The following SEC14L1 variants were observed in gnomAD, a reference collection of about 807,000 sequenced individuals.
SEC14L1 encodes SEC14 like lipid binding 1, also known as SEC14-like protein 1.
A neutral mutation model predicts 85.3 loss-of-function variants in SEC14L1; 48 were observed. That is an observed-to-expected ratio of 0.56 (90% CI 0.45 to 0.72). SEC14L1 has a LOEUF of 0.72. Ranked by LOEUF, SEC14L1 falls within the 30% of genes least tolerant of loss-of-function variation. SEC14L1 has a pLI of 0.00. For synonymous variants in SEC14L1, 391 were observed against 355.5 expected, an observed-to-expected ratio of 1.10 and a Z score of -1.12; for missense variants, 682 against 921.4, an observed-to-expected ratio of 0.74 and a Z score of 3.36.
intron 3 of SEC14L1, among the ~76,000 whole-genome samples, chr17:77,146,476 T>C (rs935082357): frequency 2.0e-5 from 3 of 152,232 alleles, no homozygotes; most frequent in Non-Finnish European, 4.4e-5. Flanking sequence ...TGCCAGTTCA[T>C]GCAGGACTTT....
chr17:77,125,405 T>A (rs963688865), intron 3 of SEC14L1, among the ~76,000 whole-genome samples: 4 of 151,862 alleles, frequency 2.6e-5, no homozygotes. Context: ...AAATTTTAGC[T>A]TAGTCCTTAG....
intron 3 of SEC14L1, among the ~76,000 whole-genome samples, chr17:77,168,307 A>T (rs571712473): frequency 6.6e-6 from 1 of 152,308 alleles, no homozygotes; most frequent in East Asian, 1.9e-4. Flanking sequence ...CTTCCTCTTC[A>T]CATTTTTTTA....
At chr17:77,111,734 A>G (rs1803412959) in intron 3 of SEC14L1, among the ~76,000 whole-genome samples, 1 of 152,224 alleles carries the variant, frequency 6.6e-6, no homozygotes, top group African/African-American at 2.4e-5. Flanking sequence ...CCAATGCCTG[A>G]ACCCCCATTG....
intron 3 of SEC14L1, among the ~76,000 whole-genome samples, chr17:77,181,434 CAG>C (rs534782492): frequency 3.2e-4 from 48 of 152,334 alleles, no homozygotes; most frequent in Middle Eastern, 3.4e-3. Flanking sequence ...GTTTTTGAGA[CAG>C]AGTTTCGCTC....
intron 3 of SEC14L1, among the ~76,000 whole-genome samples, chr17:77,183,459 C>A (rs985448967): frequency 6.6e-6 from 1 of 152,178 alleles, no homozygotes; most frequent in African/African-American, 2.4e-5. Context: ...AATAGATATT[C>A]TTCTGTCTAG....
chr17:77,089,826 G>A, intron 2 of SEC14L1: 1 of 178,136 alleles, frequency 5.6e-6, no homozygotes. Context: ...GACCAGTCTG[G>A]CCAACATGAT....
chr17:77,104,110 T>C (rs925585905), intron 3 of SEC14L1, among the ~76,000 whole-genome samples: 1 of 151,322 alleles, frequency 6.6e-6, no homozygotes, highest in Non-Finnish European at 1.5e-5. Flanking sequence ...AGGACTCTTT[T>C]TTGTATTTAC....
At chr17:77,166,113 T>G (rs762911191) in intron 3 of SEC14L1, among the ~76,000 whole-genome samples, 1 of 152,148 alleles carries the variant, frequency 6.6e-6, no homozygotes, top group East Asian at 1.9e-4. Context: ...ATTGTACTTA[T>G]TCTTTGTTTT....
At chr17:77,176,572 T>A (rs184348158) in intron 3 of SEC14L1, among the ~76,000 whole-genome samples, 1 of 152,326 alleles carries the variant, frequency 6.6e-6, no homozygotes, top group Non-Finnish European at 1.5e-5. Flanking sequence ...TCTTACACAA[T>A]AATTATGGTT....
At chr17:77,107,176 G>C (rs1182701735) in intron 3 of SEC14L1, among the ~76,000 whole-genome samples, 2 of 152,148 alleles carry the variant, frequency 1.3e-5, no homozygotes, top group Admixed American at 6.6e-5. Flanking sequence ...AAAGAACAAA[G>C]AGCCACAAAC....
At chr17:77,210,837 T>C (rs897984375) in intron 14 of SEC14L1, 5 of 152,218 alleles carry the variant, frequency 3.3e-5, no homozygotes, top group African/African-American at 7.2e-5. Context: ...CGGGGGCATC[T>C]GTAGACATCC....
In SEC14L1 at chr17:77,200,554, T is replaced by A. The variant is rs142447733; in HGVS notation, c.890T>A (p.Ile297Asn). The change falls in exon 9 of 17, where the codon ATC (isoleucine) becomes AAC (asparagine). Residue 297 changes from isoleucine (I) to asparagine (N), a missense_variant. Transcript: ENST00000436233. ...TTTAATATTGACAAAGCCAGAGAGA[T>A]CATGTGTCAGTCTTTGACGTGGAGA... ...RDFNIDKARE[I>N]MCQSLTWRKQ... 6.2e-7 allele frequency: 1 copy of A among 1,614,072 alleles called. No individual in the cohort carries two copies. Among genetic ancestry groups the A allele is most frequent in the African/African-American group, 1.3e-5 (1 of 75,032 alleles).
intron 3 of SEC14L1, chr17:77,181,041 A>G (rs1975013156): frequency 6.6e-6 from 1 of 152,004 alleles, no homozygotes; most frequent in South Asian, 2.1e-4. Context: ...AGTAGCTTCG[A>G]TGTTTATTTG....
At chr17:77,110,543 C>T (rs1972021693) in intron 3 of SEC14L1, among the ~76,000 whole-genome samples, 1 of 152,158 alleles carries the variant, frequency 6.6e-6, no homozygotes, top group Non-Finnish European at 1.5e-5. Flanking sequence ...TTGGTTTAAA[C>T]ATTTTAGAGA....
chr17:77,116,101 G>T (rs1412482706), intron 3 of SEC14L1, among the ~76,000 whole-genome samples: 1 of 151,822 alleles, frequency 6.6e-6, no homozygotes, highest in Non-Finnish European at 1.5e-5. Flanking sequence ...ATTTTTATTT[G>T]TAGAGATGGG....
chr17:77,175,541 C>G (rs1974715257), intron 3 of SEC14L1, among the ~76,000 whole-genome samples: 2 of 152,196 alleles, frequency 1.3e-5, no homozygotes, highest in South Asian at 2.1e-4. Flanking sequence ...ATCCTATAAC[C>G]TTCACTGTGG....
At chr17:77,163,816 C>G (rs1360139967) in intron 3 of SEC14L1, among the ~76,000 whole-genome samples, 1 of 152,212 alleles carries the variant, frequency 6.6e-6, no homozygotes, top group Non-Finnish European at 1.5e-5. Context: ...TGGTCTTTCT[C>G]TATGCCCCAA....
In SEC14L1 at chr17:77,216,539, T is replaced by C. The variant is rs1288275317; in HGVS notation, c.*2516T>C. On this transcript the variant is annotated 3_prime_UTR_variant, in exon 17 of 17. Coordinates refer to ENST00000436233, the MANE Select transcript of SEC14L1 (RefSeq NM_001143998.2). ...TCCCTGCTTTCTCTTTCTCTTTCTC[T>C]GTGTCTCAGATGGCGATTTTGCTGA... 1.9e-6 allele frequency: 3 copies of C among 1,613,272 alleles called. No homozygotes were observed. Among genetic ancestry groups the C allele is most frequent in the Non-Finnish European group, 2.5e-6 (3 of 1,179,440 alleles).
intron 3 of SEC14L1, among the ~76,000 whole-genome samples, chr17:77,104,279 A>G (rs1393389356): frequency 6.6e-6 from 1 of 150,590 alleles, no homozygotes; most frequent in Non-Finnish European, 1.5e-5. Flanking sequence ...GCCTGCCACC[A>G]CGCCCAGCTA....
Sources: allele counts gnomAD v4.1 joint callset (sites outside exome capture counted in the v4.1 genomes callset), GRCh38; gene constraint gnomAD v4.1.1; transcripts MANE v1.5; gene names NCBI Gene and HGNC (gene_info 2026-07-23, HGNC 2026-07-21).